Variants in AGMO observed in about 807,000 individuals in gnomAD.
The protein encoded by AGMO is alkylglycerol monooxygenase, also known as glyceryl-ether monooxygenase.
Under a neutral mutation model 60.2 loss-of-function variants are expected in AGMO, and 75 were observed. The ratio of observed to expected loss-of-function variants is 1.25; its 90% CI spans 1.03 to 1.51. AGMO has a LOEUF of 1.51. Ranked by LOEUF, AGMO falls within the 40% of genes most tolerant of loss-of-function variation. The probability of loss-of-function intolerance (pLI) is 0.00; values close to 1 mark genes in which losing one functional copy is unlikely to be tolerated. For synonymous variants in AGMO, 261 were observed against 177.1 expected (o/e 1.47, Z -3.76); for missense variants, 763 against 525.5 (o/e 1.45, Z -4.42).
chr7:15,313,231 T>C (rs1257240548), intron 12 of AGMO, among the ~76,000 whole-genome samples: 1 of 152,184 alleles, frequency 6.6e-6, no homozygotes, highest in African/African-American at 2.4e-5. Context: ...AAAGTTTTCT[T>C]AGGAAAAATA....
At chr7:15,357,901 G>A (rs908541728) in intron 12 of AGMO, among the ~76,000 whole-genome samples, 4 of 152,104 alleles carry the variant, frequency 2.6e-5, no homozygotes, top group Admixed American at 2.6e-4. Flanking sequence ...TGCAAAAACA[G>A]ATAAATGCCA....
intron 3 of AGMO, among the ~76,000 whole-genome samples, chr7:15,435,819 T>C (rs1238982763): frequency 6.6e-6 from 1 of 152,176 alleles, no homozygotes; most frequent in Non-Finnish European, 1.5e-5. Flanking sequence ...TATCTAAATA[T>C]CCAGAATGTA....
At chr7:15,320,435 T>C (rs1208777381) in intron 12 of AGMO, among the ~76,000 whole-genome samples, 1 of 152,080 alleles carries the variant, frequency 6.6e-6, no homozygotes, top group Non-Finnish European at 1.5e-5. Flanking sequence ...TGTAACAATT[T>C]AGAAATGTTT....
the AGMO span, among the ~76,000 whole-genome samples, chr7:15,149,097 A>AT: frequency 1.3e-5 from 2 of 152,024 alleles, no homozygotes; most frequent in African/African-American, 4.8e-5. Flanking sequence ...TTTCATATGC[A>AT]TTTTCCATGT....
chr7:15,387,524 G>T lies in AGMO; in HGVS notation c.839C>A (p.Ser280Tyr), dbSNP rs59160822. 6.1e-3 allele frequency: 9,803 copies of T among 1,610,442 alleles called. 514 individuals carry two copies. The African/African-American group carries it at 0.11, about 19-fold the overall frequency. ...PIKVQFHHLF[S>Y]IWTTFWATPG... ...TGTGGCCCAGAATGTAGTCCATATG[G>T]AAAATAAGTGATGGAACTAGAAACA... is the stretch of plus-strand genomic sequence containing the variant. Residue 280 changes from serine (S) to tyrosine (Y), a missense_variant, in exon 9 of 13, where the codon TCC (serine) becomes TAC (tyrosine). Physicochemically the swap from Ser to Tyr is moderately radical, Grantham distance 144 (BLOSUM62 -2). Transcript: ENST00000342526.
chr7:15,407,777 T>C (rs1784744721), intron 5 of AGMO, among the ~76,000 whole-genome samples: 1 of 151,818 alleles, frequency 6.6e-6, no homozygotes, highest in South Asian at 2.1e-4. Flanking sequence ...TGAGAAACTT[T>C]TTTTGCTATC....
chr7:15,394,900 GTTACTTCAATATCT>G (rs1784308464), intron 5 of AGMO, among the ~76,000 whole-genome samples: 1 of 152,100 alleles, frequency 6.6e-6, no homozygotes, highest in South Asian at 2.1e-4. Flanking sequence ...CACAATTAAA[GTTACTTCAATATCT>G]GGTGCCTAAT....
At chr7:15,451,607 C>T (rs930460645) in intron 3 of AGMO, among the ~76,000 whole-genome samples, 1 of 151,696 alleles carries the variant, frequency 6.6e-6, no homozygotes, top group African/African-American at 2.4e-5. Context: ...TTCTATGACC[C>T]CTCTATTTGT....
intron 12 of AGMO, among the ~76,000 whole-genome samples, chr7:15,308,637 A>G (rs954454005): frequency 1.3e-5 from 2 of 152,190 alleles, no homozygotes. Context: ...TGTTTCACCA[A>G]AATGTTAAAC....
At chr7:15,405,377 T>C (rs1240469628) in intron 5 of AGMO, among the ~76,000 whole-genome samples, 1 of 151,904 alleles carries the variant, frequency 6.6e-6, no homozygotes, top group Non-Finnish European at 1.5e-5. Flanking sequence ...TCAGCTTCTA[T>C]GTTCATGATG....
chr7:15,355,371 C>T (rs752492748), intron 12 of AGMO, among the ~76,000 whole-genome samples: 2 of 151,612 alleles, frequency 1.3e-5, no homozygotes, highest in African/African-American at 2.4e-5. Context: ...AGCATGGTGG[C>T]GGATGCCTGT....
intron 12 of AGMO, among the ~76,000 whole-genome samples, chr7:15,203,481 AT>A (rs371452233): frequency 3.1e-3 from 443 of 144,108 alleles, no homozygotes; most frequent in South Asian, 0.013. Flanking sequence ...TAGCAGTCTT[AT>A]TTTTTTTTTC....
At chr7:15,206,095 A>G (rs1350198307) in intron 12 of AGMO, among the ~76,000 whole-genome samples, 1 of 152,102 alleles carries the variant, frequency 6.6e-6, no homozygotes, top group Non-Finnish European at 1.5e-5. Flanking sequence ...ATAAGAACCC[A>G]AAGAGAGATT....
intron 11 of AGMO, 53 bp downstream of exon 11, chr7:15,366,087 A>C: frequency 7.2e-7 from 1 of 1,383,524 alleles, no homozygotes. Context: ...CACTCTGTGG[A>C]AAATTCTTGA....
chr7:15,431,594 G>C (rs1171930560), intron 3 of AGMO, among the ~76,000 whole-genome samples: 1 of 151,814 alleles, frequency 6.6e-6, no homozygotes, highest in Non-Finnish European at 1.5e-5. Flanking sequence ...TTTCTGAGAA[G>C]TCTCAAAATC....
the AGMO span, among the ~76,000 whole-genome samples, chr7:15,154,863 G>A: frequency 6.6e-6 from 1 of 152,216 alleles, no homozygotes; most frequent in African/African-American, 2.4e-5. Flanking sequence ...TAAAGCTTAG[G>A]TTGGCCAGAT....
chr7:15,383,252 A>C (rs1783766900), intron 10 of AGMO, among the ~76,000 whole-genome samples: 3 of 152,192 alleles, frequency 2.0e-5, no homozygotes, highest in Admixed American at 2.0e-4. Flanking sequence ...CACAGTTTAC[A>C]GGAGAATTTG....
At chr7:15,512,763 T>C (rs892202058) in intron 3 of AGMO, among the ~76,000 whole-genome samples, 1 of 152,208 alleles carries the variant, frequency 6.6e-6, no homozygotes, top group Non-Finnish European at 1.5e-5. Context: ...TTTGGAGTAA[T>C]GTTAGCATTG....
chr7:15,160,673 A>G, the AGMO span, among the ~76,000 whole-genome samples: 1 of 152,196 alleles, frequency 6.6e-6, no homozygotes, highest in African/African-American at 2.4e-5. Context: ...ATAATTATCC[A>G]GTATGGTCAT....
Sources: gnomAD v4.1 joint callset for allele counts (sites outside exome capture counted in the v4.1 genomes callset) on GRCh38, gnomAD v4.1.1 for gene constraint, MANE v1.5 for transcripts, NCBI Gene and HGNC (gene_info 2026-07-23, HGNC 2026-07-21) for gene names.